The following SEC14L1 variants were observed in gnomAD, a reference collection of about 807,000 sequenced individuals.
SEC14L1 encodes SEC14-like protein 1.
Under a neutral mutation model 85.3 loss-of-function variants are expected in SEC14L1, and 48 were observed. The observed-to-expected ratio is 0.56, with a 90% CI of 0.45 to 0.72. The LOEUF (loss-of-function observed/expected upper bound fraction) is 0.72. Ranked by LOEUF, SEC14L1 falls within the 30% of genes least tolerant of loss-of-function variation. SEC14L1 has a pLI of 0.00. For synonymous variants in SEC14L1, 391 were observed against 355.5 expected (o/e 1.10, Z -1.12); for missense variants, 682 against 921.4 (o/e 0.74, Z 3.36).
intron 3 of SEC14L1, among the ~76,000 whole-genome samples, chr17:77,149,129 C>A (rs1435590038): frequency 6.6e-6 from 1 of 152,200 alleles, no homozygotes; most frequent in Non-Finnish European, 1.5e-5. Context: ...TCATGTTTCT[C>A]TCCCTTCCCC....
At chr17:77,088,878 G>C (rs972820536) in exon 1 of SEC14L1, 4 of 156,270 alleles carry the variant, frequency 2.6e-5, no homozygotes, top group African/African-American at 9.6e-5. Flanking sequence ...CACTGACCGG[G>C]TGACCAGAGA....
intron 3 of SEC14L1, among the ~76,000 whole-genome samples, chr17:77,188,404 T>C (rs1000526921): frequency 3.3e-5 from 3 of 90,598 alleles, no homozygotes; most frequent in African/African-American, 1.1e-4. Context: ...CGTATGTAAC[T>C]GCTGAGGCTT....
intron 3 of SEC14L1, among the ~76,000 whole-genome samples, chr17:77,162,488 A>C (rs967355684): frequency 5.3e-5 from 8 of 152,170 alleles, no homozygotes; most frequent in Admixed American, 6.5e-5. Context: ...GTGCAAAGTA[A>C]CATGATGTAT....
At chr17:77,181,917 T>C (rs962375217) in intron 3 of SEC14L1, among the ~76,000 whole-genome samples, 54 of 152,284 alleles carry the variant, frequency 3.5e-4, no homozygotes, top group African/African-American at 1.3e-3. Flanking sequence ...CTTTTTTTTT[T>C]TAATGCAGCC....
In SEC14L1 at chr17:77,145,611, CTG is replaced by C. The variant is rs1973265986; in HGVS notation, c.63+1955_63+1956del. ...ACCATGTTTGCCATTTGCATGTTAT[CTG>C]TGCTGTTTTGGCTTTTGGTTGTATG... On this transcript the variant is annotated intron_variant, in intron 3 of 16. Transcript: ENST00000436233. Among the ~76,000 whole-genome samples the C allele has an allele frequency of 5.9e-5, 9 of 152,290 alleles. No homozygotes were observed. The South Asian group carries it at 1.9e-3, about 32-fold the overall frequency.
At position 77,194,730 on chromosome 17, in the gene SEC14L1, C is replaced by G; in HGVS notation, c.528C>G (p.Thr176=). Residue 176 remains threonine (T), a synonymous_variant, in exon 7 of 17, where the codon ACC becomes ACG. Transcript: ENST00000436233. ...GCCAATTAGAAGAAGAAGGCATAAC[C>G]TTTGTGCCCCGTTGGAGTCCGCCTT... ...YLRQLEEEGI[T]FVPRWSPPSI... is the part of the protein sequence containing the mutation. The G allele has an allele frequency of 6.2e-7, 1 of 1,614,204 alleles. No homozygotes were observed. The highest frequency in any genetic ancestry group is 8.5e-7 in the Non-Finnish European group (1 of 1,180,032).
chr17:77,174,337 C>T (rs868016202), intron 3 of SEC14L1, among the ~76,000 whole-genome samples: 5 of 152,096 alleles, frequency 3.3e-5, no homozygotes, highest in Non-Finnish European at 5.9e-5. Context: ...TCCCCCTTAG[C>T]GTTGGTGGGT....
At chr17:77,198,081 T>C (rs192371003) in intron 8 of SEC14L1, among the ~76,000 whole-genome samples, 5 of 152,332 alleles carry the variant, frequency 3.3e-5, no homozygotes, top group African/African-American at 7.2e-5. Context: ...TTATTTGATA[T>C]TACACATAAA....
chr17:77,202,943 A>AT (rs374619688), intron 9 of SEC14L1, among the ~76,000 whole-genome samples: 62 of 151,754 alleles, frequency 4.1e-4, no homozygotes, highest in African/African-American at 1.5e-3. Flanking sequence ...AAATAAAAAA[A>AT]AAAAAAAAAC....
chr17:77,206,433 G>C lies in SEC14L1; in HGVS notation c.1341+33G>C. On this transcript the variant is annotated intron_variant, in intron 12 of 16. Coordinates refer to ENST00000436233, the MANE Select transcript of SEC14L1 (RefSeq NM_001143998.2). The surrounding 1 kb of genome is among the most constrained non-coding windows in gnomAD (Gnocchi z 4.3). ...GAGATGCTTTTTGCAGTAACTGTGA[G>C]CCATTTGGAAAGCAGATAACATGCA... is the stretch of plus-strand genomic sequence containing the variant. 3 of 1,599,844 alleles carry C rather than the reference G, an allele frequency of 1.9e-6. No individual in the cohort carries two copies. Among genetic ancestry groups the C allele is most frequent in the Non-Finnish European group, 2.6e-6 (3 of 1,169,664 alleles).
chr17:77,194,800 C>G lies in SEC14L1; in HGVS notation c.598C>G (p.Gln200Glu). The change falls in exon 7 of 17, where the codon CAA becomes GAA. Residue 200 changes from glutamine to glutamate, a missense_variant. Gln to Glu is a conservative substitution (Grantham distance 29, BLOSUM62 2). This residue lies in a region of SEC14L1 where 123 missense variants were observed against 100.6 expected (regional missense o/e 1.22). Transcript: ENST00000436233. ...GACATCTTCATCATCCTCCAAGAAACAAGCAGCGTCCATGGCCGTCGTCAT... is the reference window on the plus strand; with the variant it reads ...GACATCTTCATCATCCTCCAAGAAAGAAGCAGCGTCCATGGCCGTCGTCAT... ...SETSSSSSKK[Q>E]AASMAVVIPE... is the part of the protein sequence containing the mutation. The G allele has an allele frequency of 6.2e-7, 1 of 1,614,236 alleles. No homozygotes were observed. Among genetic ancestry groups the G allele is most frequent in the East Asian group, 2.2e-5 (1 of 44,880 alleles).
At chr17:77,150,358 C>T (rs993943418) in intron 3 of SEC14L1, among the ~76,000 whole-genome samples, 7 of 152,254 alleles carry the variant, frequency 4.6e-5, no homozygotes, top group South Asian at 2.1e-4. Flanking sequence ...TAGGCAAGGG[C>T]GACCTGGTGA....
intron 5 of SEC14L1, among the ~76,000 whole-genome samples, chr17:77,191,623 A>G (rs1975543022): frequency 6.6e-6 from 1 of 151,934 alleles, no homozygotes; most frequent in Admixed American, 6.5e-5. Context: ...GCTCACTGCA[A>G]CCTCTGCTTC....
rs556699666 is a variant in SEC14L1 at position 77,155,767 on chromosome 17, G to A, written c.63+12108G>A. Among the ~76,000 whole-genome samples the A allele has an allele frequency of 8.5e-5, 13 of 152,160 alleles. No individual in the cohort carries two copies. The South Asian group carries it at 1.4e-3, about 17-fold the overall frequency. ...TTTAATTTTTTTGAGACAGAATCTC[G>A]CTCTGTTGCCCAGGCTAGAATGCAG... On this transcript the variant is annotated intron_variant, in intron 3 of 16. Coordinates refer to ENST00000436233, the MANE Select transcript of SEC14L1 (RefSeq NM_001143998.2).
At chr17:77,091,003 C>A (rs1438753668) in intron 2 of SEC14L1, among the ~76,000 whole-genome samples, 2 of 151,446 alleles carry the variant, frequency 1.3e-5, no homozygotes, top group African/African-American at 4.8e-5. Context: ...AAGGCCAGGC[C>A]ATACAGGGCC....
In SEC14L1 at chr17:77,215,030, GCTT is replaced by G; in HGVS notation, c.*1011_*1013del. The G allele has an allele frequency of 1.0e-6, 1 of 985,504 alleles. No homozygotes were observed. The highest frequency in any genetic ancestry group is 1.2e-6 in the Non-Finnish European group (1 of 830,094). The allele number at this position is 985,504 out of a possible 1,614,324, so 61.0% of individuals were successfully genotyped here. A position where few individuals can be genotyped will look rare whatever the true frequency, so the allele number is the denominator to read the frequency against. On this transcript the variant is annotated 3_prime_UTR_variant, in exon 17 of 17. Coordinates refer to ENST00000436233, the MANE Select transcript of SEC14L1 (RefSeq NM_001143998.2). ...GTGGCGTGTGGCATGTAGGAGTCCT[GCTT>G]CTTTGTACATGGGAATTGTGGACTC...
rs375488495 is a variant in SEC14L1, at chr17:77,206,718, C to G, written c.1342-10C>G. The G allele has an allele frequency of 1.9e-6, 3 of 1,589,828 alleles. No individual in the cohort carries two copies. In the African/African-American group the frequency reaches 4.1e-5, roughly 22 times the overall value. On this transcript the variant is annotated splice_polypyrimidine_tract_variant and intron_variant, in intron 12 of 16. Transcript: ENST00000436233. The surrounding 1 kb of genome is among the most constrained non-coding windows in gnomAD (Gnocchi z 4.3). ...AGAAATATGACTGCATGGTCTTCTCCTCCTCACAGGTTAGTCCGTTCATTG... is the reference window on the plus strand; with the variant it reads ...AGAAATATGACTGCATGGTCTTCTCGTCCTCACAGGTTAGTCCGTTCATTG...
chr17:77,161,712 C>CTTTTTT (rs763767954), intron 3 of SEC14L1, among the ~76,000 whole-genome samples: 4 of 103,054 alleles, frequency 3.9e-5, no homozygotes, highest in Non-Finnish European at 5.7e-5. Context: ...TAAATTGGTT[C>CTTTTTT]TTTTTTTTTT....
At chr17:77,095,281 C>A (rs1971613478) in intron 3 of SEC14L1, among the ~76,000 whole-genome samples, 2 of 152,210 alleles carry the variant, frequency 1.3e-5, no homozygotes, top group African/African-American at 4.8e-5. Context: ...GTGCCTGAGT[C>A]TCCAAGAGGT....
Sources: allele counts gnomAD v4.1 joint callset (sites outside exome capture counted in the v4.1 genomes callset), GRCh38; gene constraint gnomAD v4.1.1; regional missense constraint gnomAD v4.1.1; non-coding constraint Gnocchi (gnomAD v3.1); transcripts MANE v1.5; gene names NCBI Gene and HGNC (gene_info 2026-07-23, HGNC 2026-07-21).